CYP2C18: variants seen among roughly 807,000 people sequenced by gnomAD.
CYP2C18 encodes the protein cytochrome P450 2C18.
In CYP2C18, 38 loss-of-function variants were observed where a neutral mutation model predicts 41.3. The ratio of observed to expected loss-of-function variants is 0.92; its 90% CI spans 0.71 to 1.21. The LOEUF is 1.21. CYP2C18 is among the 50% of genes most tolerant of loss of function. The probability of loss-of-function intolerance (pLI) is 0.00; values close to 1 mark genes in which losing one functional copy is unlikely to be tolerated. For synonymous variants in CYP2C18, 236 were observed against 210.0 expected (o/e 1.12, Z -1.07); for missense variants, 635 against 591.4 (o/e 1.07, Z -0.77).
At chr10:94,707,059 T>C in intron 5 of CYP2C18, 99 bp downstream of exon 5, 2 of 948,914 alleles carry the variant, frequency 2.1e-6, no homozygotes, top group Non-Finnish European at 3.3e-6. Flanking sequence ...GAGCACTTTA[T>C]GTACTTACCA....
intron 3 of CYP2C18, among the ~76,000 whole-genome samples, chr10:94,692,785 C>T (rs766569198): frequency 3.5e-4 from 53 of 152,160 alleles, no homozygotes; most frequent in Middle Eastern, 6.8e-3. Flanking sequence ...TGTCCAACAA[C>T]GATAGACTGG....
chr10:94,690,720 A>C (rs1041704060), intron 3 of CYP2C18, among the ~76,000 whole-genome samples: 1 of 152,128 alleles, frequency 6.6e-6, no homozygotes, highest in Non-Finnish European at 1.5e-5. Context: ...GAGACACAAC[A>C]AAAAAAGAGA....
chr10:94,695,808 T>C (rs1479417358), intron 4 of CYP2C18, among the ~76,000 whole-genome samples: 1 of 152,118 alleles, frequency 6.6e-6, no homozygotes, highest in Non-Finnish European at 1.5e-5. Flanking sequence ...TCCAATGATC[T>C]TAGCAAATGG....
intron 4 of CYP2C18, among the ~76,000 whole-genome samples, chr10:94,700,677 T>A (rs1463758081): frequency 6.6e-6 from 1 of 151,944 alleles, no homozygotes; most frequent in Non-Finnish European, 1.5e-5. Flanking sequence ...ACCATCAGAG[T>A]GAACAGGCAA....
intron 4 of CYP2C18, among the ~76,000 whole-genome samples, chr10:94,697,878 C>G (rs1315353346): frequency 6.6e-6 from 1 of 152,132 alleles, no homozygotes; most frequent in African/African-American, 2.4e-5. Context: ...TCAAAAGAGA[C>G]AAACAAGGCC....
rs769770938 is a variant in CYP2C18 at position 94,688,192 on chromosome 10, T to C, written c.399T>C (p.Asn133=). The C allele has an allele frequency of 3.1e-6, 5 of 1,613,660 alleles. No homozygotes were observed. Among genetic ancestry groups the C allele is most frequent in the Non-Finnish European group, 4.2e-6 (5 of 1,179,780 alleles). Residue 133 remains asparagine (N), a synonymous_variant, in exon 3 of 9, where the codon AAT becomes AAC. Coordinates refer to ENST00000285979, the MANE Select transcript of CYP2C18 (RefSeq NM_000772.3). ...IRRFCLMTLR[N]FGMGKRSIED... ...GTTTCTGCCTCATGACTCTGCGGAA[T>C]TTTGGGATGGGGAAGAGGAGCATCG...
At chr10:94,726,211 T>C (rs983817650) in intron 7 of CYP2C18, among the ~76,000 whole-genome samples, 1 of 150,390 alleles carries the variant, frequency 6.6e-6, no homozygotes, top group Non-Finnish European at 1.5e-5. Flanking sequence ...ATTTTTTTTT[T>C]ATTATACTTT....
intron 8 of CYP2C18, 183 bp downstream of exon 8, chr10:94,733,621 G>C (rs1161197313): frequency 1.0e-6 from 1 of 984,310 alleles, no homozygotes; most frequent in African/African-American, 1.7e-5. Context: ...CAGGTTAGTG[G>C]GGCTTTGGGG....
At chr10:94,710,948 C>T (rs1270051691) in intron 5 of CYP2C18, among the ~76,000 whole-genome samples, 2 of 151,940 alleles carry the variant, frequency 1.3e-5, no homozygotes, top group Non-Finnish European at 2.9e-5. Context: ...TTAGACTGTC[C>T]CATTGTTATG....
At chr10:94,704,983 T>A (rs1380311172) in intron 4 of CYP2C18, among the ~76,000 whole-genome samples, 1 of 152,092 alleles carries the variant, frequency 6.6e-6, no homozygotes, top group Non-Finnish European at 1.5e-5. Context: ...GTGTTAGTCC[T>A]CAGACAGGTG....
At position 94,683,950 on chromosome 10, in the gene CYP2C18, A is replaced by C; in HGVS notation, c.131A>C (p.Gln44Pro). The C allele has an allele frequency of 6.2e-7, 1 of 1,610,296 alleles. No homozygotes were observed. Among genetic ancestry groups the C allele is most frequent in the South Asian group, 1.1e-5 (1 of 89,894 alleles). ...CTCCCGATTATTGGAAATATCCTGC[A>C]GTTAGATGTTAAGGACATGAGCAAA... ...TPLPIIGNIL[Q>P]LDVKDMSKSL... is the part of the protein sequence containing the mutation. Residue 44 changes from glutamine to proline, a missense_variant, in exon 1 of 9, where the codon CAG becomes CCG. Transcript: ENST00000285979.
chr10:94,692,704 A>G (rs1021603088), intron 3 of CYP2C18, among the ~76,000 whole-genome samples: 3 of 152,202 alleles, frequency 2.0e-5, no homozygotes, highest in Non-Finnish European at 2.9e-5. Flanking sequence ...TTATGCTGCT[A>G]TAAAGACACA....
rs181067598 is a variant in CYP2C18, at chr10:94,701,535, G to A, written c.643-5249G>A. Among the ~76,000 whole-genome samples the A allele has an allele frequency of 2.1e-3, 323 of 152,220 alleles. 2 individuals are homozygous for A. The highest frequency in any genetic ancestry group is 6.7e-3 in the African/African-American group (278 of 41,524). Reference sequence around the variant, plus strand: ...CTAATGTTAAATGAAGAGTTAATGGGTGCAGCACACCAACATGGCACATGT... The same window carrying A: ...CTAATGTTAAATGAAGAGTTAATGGATGCAGCACACCAACATGGCACATGT... On this transcript the variant is annotated intron_variant, in intron 4 of 8. Coordinates refer to ENST00000285979, the MANE Select transcript of CYP2C18 (RefSeq NM_000772.3).
chr10:94,690,786 G>A (rs1206184117), intron 3 of CYP2C18, among the ~76,000 whole-genome samples: 2 of 152,112 alleles, frequency 1.3e-5, no homozygotes, highest in Non-Finnish European at 1.5e-5. Flanking sequence ...ATAAAATACT[G>A]GCAAACTGAA....
At chr10:94,695,803 T>A (rs1164950285) in intron 4 of CYP2C18, among the ~76,000 whole-genome samples, 1 of 152,134 alleles carries the variant, frequency 6.6e-6, no homozygotes, top group Non-Finnish European at 1.5e-5. Flanking sequence ...GCTTTTCCAA[T>A]GATCTTAGCA....
At chr10:94,723,525 G>A (rs1389703524) in intron 6 of CYP2C18, among the ~76,000 whole-genome samples, 2 of 152,124 alleles carry the variant, frequency 1.3e-5, no homozygotes, top group Non-Finnish European at 1.5e-5. Context: ...GGACACACAA[G>A]TCCAAGAATA....
chr10:94,709,447 G>T (rs546370390), intron 5 of CYP2C18, among the ~76,000 whole-genome samples: 5 of 149,236 alleles, frequency 3.4e-5, no homozygotes, highest in African/African-American at 1.3e-4. Context: ...TTTTAAATTA[G>T]GTTATTATAT....
intron 4 of CYP2C18, among the ~76,000 whole-genome samples, chr10:94,704,644 T>A (rs931728556): frequency 2.0e-5 from 3 of 152,134 alleles, no homozygotes; most frequent in African/African-American, 7.2e-5. Flanking sequence ...ACTGCTTAAG[T>A]TGAGCCTGGA....
At chr10:94,700,794 C>A (rs906476391) in intron 4 of CYP2C18, among the ~76,000 whole-genome samples, 2 of 152,138 alleles carry the variant, frequency 1.3e-5, no homozygotes, top group African/African-American at 4.8e-5. Flanking sequence ...AGAACCCCAT[C>A]AAAAAGTGGG....
Sources: gnomAD v4.1 joint callset for allele counts (sites outside exome capture counted in the v4.1 genomes callset) on GRCh38, gnomAD v4.1.1 for gene constraint, MANE v1.5 for transcripts, NCBI Gene and HGNC (gene_info 2026-07-23, HGNC 2026-07-21) for gene names.